ADGRG6: variants seen among roughly 807,000 people sequenced by gnomAD.
The protein encoded by ADGRG6 is G-protein coupled receptor 126.
Under a neutral mutation model 142.4 loss-of-function variants are expected in ADGRG6, and 84 were observed. That is an observed-to-expected ratio of 0.59 (90% confidence interval 0.49 to 0.71). The LOEUF is 0.71. ADGRG6 is among the 30% of genes least tolerant of loss of function. ADGRG6 has a pLI of 0.00. For missense variants in ADGRG6, 1,367 were observed against 1,466.6 expected, an observed-to-expected ratio of 0.93 and a Z score of 1.11; for synonymous variants, 521 against 520.5, an observed-to-expected ratio of 1.00 and a Z score of -0.01.
chr6:142,354,315 G>A (rs1277573015), intron 2 of ADGRG6, among the ~76,000 whole-genome samples: 1 of 152,110 alleles, frequency 6.6e-6, no homozygotes, highest in Non-Finnish European at 1.5e-5. Context: ...CTTGGGAGGC[G>A]GAGGTTGCAG....
intron 3 of ADGRG6, among the ~76,000 whole-genome samples, chr6:142,369,176 A>T (rs1020006748): frequency 6.6e-6 from 1 of 152,164 alleles, no homozygotes; most frequent in East Asian, 1.9e-4. Context: ...TTGAGGAGAA[A>T]TACTTCTTTC....
chr6:142,383,684 TAATTATAGATTGCTTATCCA>T (rs1781882301), intron 5 of ADGRG6, 56 bp from the exon 6 acceptor site: 1 of 735,362 alleles, frequency 1.4e-6, no homozygotes, highest in African/African-American at 1.8e-5. Flanking sequence ...TTTAATGCAT[TAATTATAGATTGCTTATCCA>T]AATTAACTGT....
chr6:142,377,697 A>C (rs1781568369), intron 4 of ADGRG6, among the ~76,000 whole-genome samples: 1 of 152,198 alleles, frequency 6.6e-6, no homozygotes, highest in South Asian at 2.1e-4. Context: ...GTTCTTTCTT[A>C]ACAACCTCCT....
intron 2 of ADGRG6, among the ~76,000 whole-genome samples, chr6:142,340,701 C>G (rs1023573402): frequency 3.9e-5 from 6 of 152,052 alleles, no homozygotes; most frequent in Non-Finnish European, 5.9e-5. Flanking sequence ...CTTGTCCCCC[C>G]ACATCATTCC....
chr6:142,337,529 C>T, intron 2 of ADGRG6, among the ~76,000 whole-genome samples: 1 of 152,022 alleles, frequency 6.6e-6, no homozygotes, highest in Non-Finnish European at 1.5e-5. Context: ...GAGCTCAAGG[C>T]TTGCTTTACT....
At chr6:142,370,085 G>A (rs1278455933) in intron 3 of ADGRG6, 85 bp from the exon 4 acceptor site, 2 of 1,167,618 alleles carry the variant, frequency 1.7e-6, no homozygotes, top group Non-Finnish European at 2.4e-6. Flanking sequence ...CTAGTAGAAA[G>A]CGATGGAGGG....
intron 19 of ADGRG6, 103 bp from the exon 20 acceptor site, chr6:142,415,693 T>C (rs1021618756): frequency 4.2e-6 from 3 of 719,982 alleles, no homozygotes; most frequent in African/African-American, 3.5e-5. Flanking sequence ...GTGCTACTTA[T>C]CTCATTGCAG....
intron 16 of ADGRG6, among the ~76,000 whole-genome samples, chr6:142,408,972 G>T (rs1284393949): frequency 6.6e-6 from 1 of 152,048 alleles, no homozygotes; most frequent in African/African-American, 2.4e-5. Flanking sequence ...CAACACTTTG[G>T]CTTCCTTTGT....
At chr6:142,403,644 A>C (rs1224724607) in intron 13 of ADGRG6, among the ~76,000 whole-genome samples, 158 bp from the exon 14 acceptor site, 1 of 152,214 alleles carries the variant, frequency 6.6e-6, no homozygotes, top group African/African-American at 2.4e-5. Flanking sequence ...AACAGATATC[A>C]CTGTGGATTG....
At chr6:142,435,302 TC>T (rs1777430781) in intron 22 of ADGRG6, among the ~76,000 whole-genome samples, 1 of 152,048 alleles carries the variant, frequency 6.6e-6, no homozygotes, top group Non-Finnish European at 1.5e-5. Context: ...CCTGGAAACT[TC>T]CCTCACTTCC....
chr6:142,344,448 C>T (rs1779801244), intron 2 of ADGRG6, among the ~76,000 whole-genome samples: 3 of 151,842 alleles, frequency 2.0e-5, no homozygotes, highest in Non-Finnish European at 4.4e-5. Flanking sequence ...AAATATCTAG[C>T]CTTAAAGATT....
rs1250410194 is a variant in ADGRG6, at chr6:142,444,187, A to G, written c.*672A>G. On this transcript the variant is annotated 3_prime_UTR_variant, in exon 25 of 25. Coordinates refer to ENST00000367609, the MANE Select transcript of ADGRG6 (RefSeq NM_198569.3). The stretch of plus-strand genomic sequence containing the variant: ...AAATTTCTAATATTTTACTTATTCT[A>G]TTCAAGGCATAGGGCCAAAGCATTA... The G allele has an allele frequency of 6.6e-6, 1 of 152,240 alleles. No homozygotes were observed. The highest frequency in any genetic ancestry group is 1.5e-5 in the Non-Finnish European group (1 of 68,044). The allele number at this position is 152,240 out of a possible 1,614,324, so 9.4% of individuals were successfully genotyped here.
At chr6:142,366,385 TC>T (rs1226817015) in intron 2 of ADGRG6, among the ~76,000 whole-genome samples, 2 of 152,164 alleles carry the variant, frequency 1.3e-5, no homozygotes, top group East Asian at 3.9e-4. Context: ...ATTTTTCCAT[TC>T]CTGTGATCTG....
At chr6:142,435,962 G>A (rs947930019) in intron 22 of ADGRG6, among the ~76,000 whole-genome samples, 1 of 152,124 alleles carries the variant, frequency 6.6e-6, no homozygotes, top group African/African-American at 2.4e-5. Context: ...GCTGGAATGA[G>A]CTGGACACAT....
At chr6:142,414,938 T>C in intron 18 of ADGRG6, 31 bp from the exon 19 acceptor site, 1 of 1,588,668 alleles carries the variant, frequency 6.3e-7, no homozygotes, top group South Asian at 1.2e-5. Context: ...AGAAGAGAGT[T>C]TCTTACAGCT....
intron 2 of ADGRG6, among the ~76,000 whole-genome samples, chr6:142,342,473 A>G (rs999005213): frequency 6.6e-6 from 1 of 152,080 alleles, no homozygotes; most frequent in African/African-American, 2.4e-5. Flanking sequence ...TTAGGAGATA[A>G]GATTCCTGCC....
chr6:142,303,178 C>T (rs966512484), intron 1 of ADGRG6, among the ~76,000 whole-genome samples: 5 of 152,160 alleles, frequency 3.3e-5, no homozygotes, highest in Non-Finnish European at 7.3e-5. Context: ...TTTAGTTAAT[C>T]TTGGACGGAC....
intron 2 of ADGRG6, among the ~76,000 whole-genome samples, chr6:142,347,809 T>G (rs935206245): frequency 6.6e-6 from 1 of 152,194 alleles, no homozygotes; most frequent in African/African-American, 2.4e-5. Context: ...ATCTGATTTC[T>G]AAGTTCTTAA....
chr6:142,397,892 A>G (rs1206720942), intron 10 of ADGRG6, 137 bp downstream of exon 10: 9 of 525,650 alleles, frequency 1.7e-5, no homozygotes, highest in Non-Finnish European at 6.6e-6. Flanking sequence ...TCAGTAACAA[A>G]TGAATGACAT....
Sources: gnomAD v4.1 joint callset for allele counts (sites outside exome capture counted in the v4.1 genomes callset) on GRCh38, gnomAD v4.1.1 for gene constraint, MANE v1.5 for transcripts, NCBI Gene and HGNC (gene_info 2026-07-23, HGNC 2026-07-21) for gene names.